Variants in FBXO16 observed in about 807,000 individuals in gnomAD.
FBXO16 encodes the protein F-box protein 16, also known as F-box only protein 16.
A neutral mutation model predicts 41.0 loss-of-function variants in FBXO16; 31 were observed. The observed-to-expected ratio is 0.76, with a 90% CI of 0.57 to 1.02. The LOEUF is 1.02. Ranked by LOEUF, FBXO16 falls within the 50% of genes least tolerant of loss-of-function variation. FBXO16 has a pLI of 0.00. For synonymous variants in FBXO16, 133 were observed against 117.8 expected (o/e 1.13, Z -0.84); for missense variants, 361 against 346.2 (o/e 1.04, Z -0.34).
intron 7 of FBXO16, among the ~76,000 whole-genome samples, chr8:28,430,984 T>G (rs1175090299): frequency 6.6e-6 from 1 of 151,906 alleles, no homozygotes; most frequent in Non-Finnish European, 1.5e-5. Context: ...AAAATATAAA[T>G]AAATAAAATA....
intron 1 of FBXO16, 118 bp downstream of exon 1, chr8:28,490,068 A>G (rs1427351953): frequency 1.3e-5 from 2 of 152,220 alleles, no homozygotes; most frequent in Non-Finnish European, 2.9e-5. Context: ...GTTGCACTGT[A>G]GCCCAAATGA....
At chr8:28,437,612 C>T (rs766074407) in intron 7 of FBXO16, among the ~76,000 whole-genome samples, 1 of 152,232 alleles carries the variant, frequency 6.6e-6, no homozygotes, top group Non-Finnish European at 1.5e-5. Context: ...GTGACCCACA[C>T]CTGTCATCCC....
chr8:28,429,311 T>C, intron 8 of FBXO16, 67 bp downstream of exon 8: 1 of 1,549,906 alleles, frequency 6.5e-7, no homozygotes, highest in Admixed American at 1.7e-5. Context: ...TCTCCATTAA[T>C]CAATACATGC....
At position 28,473,791 on chromosome 8, in the gene FBXO16, C is replaced by A. The variant is rs1803374391; in HGVS notation, c.116G>T (p.Arg39Ile). Reference protein sequence around the residue: ...LLNDRVFEERRALLGKWFDKW... With the variant: ...LLNDRVFEERIALLGKWFDKW... ...GTTTACCCATTTGCCAAGCAGGGCT[C>A]TTCTTTCTTCAAATACCTACAGTAA... Residue 39 changes from arginine to isoleucine, a missense_variant, in exon 3 of 9, where the codon AGA (arginine) becomes ATA (isoleucine). Arg to Ile is a moderately conservative substitution (Grantham distance 97). Coordinates refer to ENST00000380254, the MANE Select transcript of FBXO16 (RefSeq NM_172366.4). 1 of 1,603,690 alleles carries A rather than the reference C, an allele frequency of 6.2e-7. No individual in the cohort carries two copies. Among genetic ancestry groups the A allele is most frequent in the Non-Finnish European group, 8.5e-7 (1 of 1,172,918 alleles).
chr8:28,448,820 T>C (rs918005324), intron 6 of FBXO16: 1 of 152,222 alleles, frequency 6.6e-6, no homozygotes, highest in African/African-American at 2.4e-5. Flanking sequence ...TAAAGTTTTA[T>C]TGGAACATAG....
At chr8:28,431,723 C>T (rs926028732) in intron 7 of FBXO16, among the ~76,000 whole-genome samples, 2 of 152,156 alleles carry the variant, frequency 1.3e-5, no homozygotes, top group African/African-American at 2.4e-5. Context: ...TTCATGACAC[C>T]TCTATTCTCT....
At chr8:28,481,811 G>GAAAAAA (rs71549671) in intron 2 of FBXO16, among the ~76,000 whole-genome samples, 1 of 130,924 alleles carries the variant, frequency 7.6e-6, no homozygotes. Context: ...TCTGTTTCAG[G>GAAAAAA]AAAAAAAAAA....
At chr8:28,442,153 C>T (rs540997226) in intron 7 of FBXO16, among the ~76,000 whole-genome samples, 6 of 151,314 alleles carry the variant, frequency 4.0e-5, no homozygotes, top group Non-Finnish European at 7.4e-5. Context: ...TTGGCCAGGC[C>T]GGTCTCAAAC....
At chr8:28,448,464 G>A (rs1802902375) in intron 6 of FBXO16, among the ~76,000 whole-genome samples, 2 of 151,794 alleles carry the variant, frequency 1.3e-5, no homozygotes, top group Admixed American at 6.6e-5. Flanking sequence ...TTTAATTTTG[G>A]AATCATCTAA....
intron 5 of FBXO16, 146 bp downstream of exon 5, chr8:28,456,620 C>T (rs1388354217): frequency 1.1e-6 from 1 of 941,448 alleles, no homozygotes; most frequent in East Asian, 2.5e-5. Flanking sequence ...ACTATCAAGT[C>T]TCAGAAAAGG....
chr8:28,460,295 C>T (rs1436717052), intron 4 of FBXO16, among the ~76,000 whole-genome samples: 2 of 127,926 alleles, frequency 1.6e-5, no homozygotes, highest in Non-Finnish European at 1.6e-5. Flanking sequence ...GTTGCTCAGG[C>T]TGGAGTGCAG....
At position 28,446,329 on chromosome 8, in the gene FBXO16, C is replaced by T. The variant is rs143789649; in HGVS notation, c.843+842G>A. 6.1e-3 allele frequency among the ~76,000 whole-genome samples: 920 copies of T among 151,470 alleles called. 11 individuals are homozygous for T. Among genetic ancestry groups the T allele is most frequent in the African/African-American group, 0.021 (856 of 41,336 alleles). ...CACCCGCCATAGGCATGTGCCACCA[C>T]GCCCAGCTAATTTTTGTATTGTTAG... On this transcript the variant is annotated intron_variant, in intron 7 of 8. Transcript: ENST00000380254.
intron 4 of FBXO16, among the ~76,000 whole-genome samples, chr8:28,459,315 G>A (rs1311603519): frequency 2.0e-4 from 31 of 151,780 alleles, no homozygotes; most frequent in Admixed American, 2.0e-3. Context: ...TTTACTAATG[G>A]TTGCATAATA....
chr8:28,452,295 ATG>A lies in FBXO16; in HGVS notation c.687_688del (p.Ile230SerfsTer3). On this transcript the variant is annotated frameshift_variant, in exon 6 of 9. Coordinates refer to ENST00000380254, the MANE Select transcript of FBXO16 (RefSeq NM_172366.4). LOFTEE classifies it high-confidence loss of function. ...ACGGTTGTCTAGGTAATTAAAACGA[ATG>A]ATATCTGTTGGGTGCTTATCAGAAG... 7 of 1,614,208 alleles carry A rather than the reference ATG, an allele frequency of 4.3e-6. No individual in the cohort carries two copies. Among genetic ancestry groups the A allele is most frequent in the Non-Finnish European group, 5.9e-6 (7 of 1,180,056 alleles).
intron 7 of FBXO16, among the ~76,000 whole-genome samples, chr8:28,442,719 A>T (rs1230461321): frequency 2.0e-5 from 3 of 152,148 alleles, no homozygotes; most frequent in Non-Finnish European, 4.4e-5. Flanking sequence ...AAAAGTGGTT[A>T]GACTAAGTGG....
chr8:28,437,759 G>T (rs1309287594), intron 7 of FBXO16, among the ~76,000 whole-genome samples: 1 of 152,084 alleles, frequency 6.6e-6, no homozygotes, highest in Non-Finnish European at 1.5e-5. Context: ...TGTAGTCCTA[G>T]CTACTCAGGA....
intron 7 of FBXO16, among the ~76,000 whole-genome samples, chr8:28,441,015 G>A (rs1802764159): frequency 6.6e-6 from 1 of 152,184 alleles, no homozygotes; most frequent in Non-Finnish European, 1.5e-5. Context: ...CCTAAGGAGT[G>A]TTCATTTTCA....
At chr8:28,468,572 G>C (rs1208878539) in intron 3 of FBXO16, among the ~76,000 whole-genome samples, 2 of 152,216 alleles carry the variant, frequency 1.3e-5, no homozygotes, top group Non-Finnish European at 2.9e-5. Flanking sequence ...GCTCACATCT[G>C]TAGTCCCAGC....
chr8:28,440,105 CTATTATTAT>C (rs34234188), intron 7 of FBXO16, among the ~76,000 whole-genome samples: 2 of 149,650 alleles, frequency 1.3e-5, no homozygotes, highest in African/African-American at 2.5e-5. Flanking sequence ...TATTTTATTA[CTATTATTAT>C]TATTATTATT....
Sources: gnomAD v4.1 joint callset for allele counts (sites outside exome capture counted in the v4.1 genomes callset) on GRCh38, gnomAD v4.1.1 for gene constraint, MANE v1.5 for transcripts, NCBI Gene and HGNC (gene_info 2026-07-23, HGNC 2026-07-21) for gene names.